Variants in PGPEP1 observed in about 807,000 individuals in gnomAD.
PGPEP1 encodes pyroglutamyl-peptidase I.
In PGPEP1, 15 loss-of-function variants were observed where a neutral mutation model predicts 24.1. The observed-to-expected ratio is 0.62, with a 90% CI of 0.42 to 0.96. The LOEUF (loss-of-function observed/expected upper bound fraction) is 0.96, where lower values mean the gene tolerates loss of function less well. PGPEP1 is among the 40% of genes least tolerant of loss of function. The pLI is 0.00. For synonymous variants in PGPEP1, 122 were observed against 116.4 expected, an observed-to-expected ratio of 1.05 and a Z score of -0.31; for missense variants, 242 against 273.4, an observed-to-expected ratio of 0.89 and a Z score of 0.81.
chr19:18,347,734 A>G (rs753698728), intron 2 of PGPEP1, among the ~76,000 whole-genome samples: 2 of 150,938 alleles, frequency 1.3e-5, no homozygotes, highest in Non-Finnish European at 2.9e-5. Flanking sequence ...CCCGAGTTCA[A>G]GTGATTCTCC....
At chr19:18,345,744 A>G (rs76898879) in intron 2 of PGPEP1, among the ~76,000 whole-genome samples, 2 of 150,300 alleles carry the variant, frequency 1.3e-5, no homozygotes, top group Non-Finnish European at 3.0e-5. Context: ...AAAAAAAAAA[A>G]AGAAAAGAAA....
chr19:18,354,986 T>TTA, intron 2 of PGPEP1, among the ~76,000 whole-genome samples: 1 of 141,242 alleles, frequency 7.1e-6, no homozygotes, highest in Non-Finnish European at 1.5e-5. Flanking sequence ...TTTTTTTTTT[T>TTA]GAGACGGAGT....
At chr19:18,351,034 G>T (rs773805333) in intron 2 of PGPEP1, among the ~76,000 whole-genome samples, 5 of 152,176 alleles carry the variant, frequency 3.3e-5, no homozygotes, top group Non-Finnish European at 7.4e-5. Flanking sequence ...AGCATTTTGG[G>T]AGGCCAAGGT....
intron 4 of PGPEP1, among the ~76,000 whole-genome samples, chr19:18,362,598 C>G (rs1432360896): frequency 6.8e-6 from 1 of 147,532 alleles, no homozygotes; most frequent in Non-Finnish European, 1.5e-5. Context: ...TGGTGTGGCC[C>G]ACGCCCGTAA....
intron 2 of PGPEP1, among the ~76,000 whole-genome samples, chr19:18,354,381 G>A (rs1414548807): frequency 6.6e-6 from 1 of 152,084 alleles, no homozygotes; most frequent in Non-Finnish European, 1.5e-5. Context: ...TGTAGTCCCA[G>A]CTACTCGGGA....
chr19:18,363,643 C>T lies in PGPEP1; in HGVS notation c.*60C>T, dbSNP rs142938865. On this transcript the variant is annotated 3_prime_UTR_variant, in exon 5 of 5. Transcript: ENST00000269919. Reference sequence around the variant, plus strand: ...GGGGACCCCACGAGGGGACATCCACCCTCTGGGGTGTGGCCAGGAAAAGAC... The same window carrying T: ...GGGGACCCCACGAGGGGACATCCACTCTCTGGGGTGTGGCCAGGAAAAGAC... 6.8e-4 allele frequency: 904 copies of T among 1,330,546 alleles called. 2 individuals are homozygous for T. The highest frequency in any genetic ancestry group is 6.1e-3 in the African/African-American group (421 of 69,484). The allele number at this position is 1,330,546 out of a possible 1,614,324, so 82.4% of individuals were successfully genotyped here.
intron 3 of PGPEP1, 82 bp downstream of exon 3, chr19:18,356,093 G>T: frequency 1.2e-6 from 1 of 824,770 alleles, no homozygotes; most frequent in Admixed American, 1.7e-5. Flanking sequence ...GGTGGCTTTG[G>T]TCCTGATCAG....
intron 2 of PGPEP1, among the ~76,000 whole-genome samples, chr19:18,349,619 T>G (rs1970964116): frequency 6.6e-6 from 1 of 152,238 alleles, no homozygotes; most frequent in African/African-American, 2.4e-5. Flanking sequence ...TTTGATTTTG[T>G]AAAACACTGA....
rs768594756 is a variant in PGPEP1 at position 18,340,658 on chromosome 19, T to G, written c.-24T>G. 6.5e-7 allele frequency: 1 copy of G among 1,534,220 alleles called. No individual in the cohort carries two copies. Among genetic ancestry groups the G allele is most frequent in the South Asian group, 1.2e-5 (1 of 83,078 alleles). ...TCGCGCCAGTCGCAACAGAAGCAGG[T>G]CCGAGGCACAGCCCGATCCCGCCAT... On this transcript the variant is annotated 5_prime_UTR_variant, in exon 1 of 5. Transcript: ENST00000269919.
intron 4 of PGPEP1, among the ~76,000 whole-genome samples, chr19:18,360,523 A>ATT (rs139605654): frequency 1.0e-3 from 154 of 151,050 alleles, no homozygotes; most frequent in African/African-American, 3.6e-3. Flanking sequence ...TTTTATTTTT[A>ATT]TTTTTTTTGA....
intron 2 of PGPEP1, among the ~76,000 whole-genome samples, chr19:18,353,827 C>A (rs951904083): frequency 6.6e-6 from 1 of 152,186 alleles, no homozygotes; most frequent in African/African-American, 2.4e-5. Context: ...TGCTTCTTTC[C>A]TTTTCATGGC....
chr19:18,365,744 T>C lies in PGPEP1; in HGVS notation c.*2161T>C, dbSNP rs1328129097. The stretch of plus-strand genomic sequence containing the variant: ...CAGTGGTTCCTACCTCTGTTGGGTT[T>C]CTAGATAGTTTGGGAACGGGGTTGA... On this transcript the variant is annotated 3_prime_UTR_variant, in exon 5 of 5. Transcript: ENST00000269919. 1 of 152,206 alleles carries C rather than the reference T, an allele frequency of 6.6e-6. No homozygotes were observed. The highest frequency in any genetic ancestry group is 2.4e-5 in the African/African-American group (1 of 41,450). The allele number at this position is 152,206 out of a possible 1,614,324, so 9.4% of individuals were successfully genotyped here. A position where few individuals can be genotyped will look rare whatever the true frequency, so the allele number is the denominator to read the frequency against.
intron 2 of PGPEP1, among the ~76,000 whole-genome samples, chr19:18,351,415 G>A (rs940231797): frequency 3.3e-5 from 5 of 151,474 alleles, no homozygotes; most frequent in Admixed American, 6.6e-5. Flanking sequence ...ACCTGAGGTC[G>A]GAAGTTGGAG....
At position 18,361,143 on chromosome 19, in the gene PGPEP1, CT is replaced by C. The variant is rs200665137; in HGVS notation, c.438-2239del. On this transcript the variant is annotated intron_variant, in intron 4 of 4. Transcript: ENST00000269919. ...CTCCGCACCCAGCTCAATTTTCTTT[CT>C]TTTTTTTTAAAGACAAGAGTTTCGC... Among the ~76,000 whole-genome samples the C allele has an allele frequency of 4.7e-5, 7 of 148,970 alleles. No homozygotes were observed. In the South Asian group the frequency reaches 1.3e-3, roughly 27 times the overall value.
At chr19:18,351,461 C>T (rs1044469322) in intron 2 of PGPEP1, among the ~76,000 whole-genome samples, 1 of 150,496 alleles carries the variant, frequency 6.6e-6, no homozygotes, top group African/African-American at 2.4e-5. Context: ...CCTGTCTCTA[C>T]TAAAAGTACA....
At chr19:18,352,846 G>A (rs1032686239) in intron 2 of PGPEP1, among the ~76,000 whole-genome samples, 6 of 151,782 alleles carry the variant, frequency 4.0e-5, no homozygotes, top group Non-Finnish European at 5.9e-5. Flanking sequence ...GTGAGCCACC[G>A]TACTCAGCCA....
rs369333927 is a variant in PGPEP1, at chr19:18,354,451, C to T, written c.88-1444C>T. Among the ~76,000 whole-genome samples, 34 of 151,884 alleles carry T rather than the reference C, an allele frequency of 2.2e-4. No homozygotes were observed. The East Asian group carries it at 5.4e-3, about 24-fold the overall frequency. On this transcript the variant is annotated intron_variant, in intron 2 of 4. Coordinates refer to ENST00000269919, the MANE Select transcript of PGPEP1 (RefSeq NM_017712.4). ...CGGAGCTTGCAGTGAGCCGAGGTGG[C>T]GCCGCTGCATTCCAGCCTGGGTGAC... is the stretch of plus-strand genomic sequence containing the variant.
chr19:18,345,926 T>C (rs1253281367), intron 2 of PGPEP1, among the ~76,000 whole-genome samples: 2 of 151,264 alleles, frequency 1.3e-5, no homozygotes, highest in East Asian at 3.9e-4. Context: ...AGGCAGAGGT[T>C]GCAGTAAGCC....
chr19:18,345,799 G>T (rs541423868), intron 2 of PGPEP1, among the ~76,000 whole-genome samples: 1 of 151,762 alleles, frequency 6.6e-6, no homozygotes, highest in East Asian at 1.9e-4. Context: ...TAGCGCTTTG[G>T]AAGGCTGAGG....
Sources: allele counts gnomAD v4.1 joint callset (sites outside exome capture counted in the v4.1 genomes callset), GRCh38; gene constraint gnomAD v4.1.1; transcripts MANE v1.5; gene names NCBI Gene and HGNC (gene_info 2026-07-23, HGNC 2026-07-21).